Variants in DOCK1 observed in about 807,000 individuals in gnomAD.
DOCK1 encodes dedicator of cytokinesis 1.
In DOCK1, 138 loss-of-function variants were observed where a neutral mutation model predicts 262.7. That is an observed-to-expected ratio of 0.53 (90% CI 0.46 to 0.61). DOCK1 has a LOEUF of 0.61. Ranked by LOEUF, DOCK1 falls within the 20% of genes least tolerant of loss-of-function variation. DOCK1 has a pLI of 0.00. For missense variants in DOCK1, 1,908 were observed against 2,370.7 expected (o/e 0.80, Z 4.05); for synonymous variants, 866 against 867.4 (o/e 1.00, Z 0.03).
intron 21 of DOCK1, among the ~76,000 whole-genome samples, chr10:127,052,295 G>C (rs563622360): frequency 6.6e-6 from 1 of 152,194 alleles, no homozygotes; most frequent in South Asian, 2.1e-4. Context: ...GAGGCCAAGG[G>C]GGGTGGATTG....
intron 33 of DOCK1, among the ~76,000 whole-genome samples, chr10:127,365,621 T>G (rs1435423714): frequency 6.6e-6 from 1 of 152,202 alleles, no homozygotes; most frequent in African/African-American, 2.4e-5. Context: ...AAAACATCAT[T>G]CTATTTGTCA....
chr10:127,067,829 C>T (rs1447652892), intron 23 of DOCK1, among the ~76,000 whole-genome samples: 4 of 152,028 alleles, frequency 2.6e-5, no homozygotes, highest in Non-Finnish European at 2.9e-5. Flanking sequence ...GCATTTCTTC[C>T]ATTGTCGTGT....
chr10:127,110,170 T>G, intron 24 of DOCK1, 78 bp from the exon 25 acceptor site: 1 of 1,187,586 alleles, frequency 8.4e-7, no homozygotes, highest in Non-Finnish European at 1.2e-6. Flanking sequence ...TGTGATGACC[T>G]ATATCTCAGT....
intron 23 of DOCK1, among the ~76,000 whole-genome samples, chr10:127,084,063 G>A (rs1564790927): frequency 6.6e-6 from 1 of 152,150 alleles, no homozygotes; most frequent in Non-Finnish European, 1.5e-5. Flanking sequence ...GCAATTTGAT[G>A]ATTAAAGAAT....
At chr10:127,380,639 G>A (rs2065775581) in intron 36 of DOCK1, among the ~76,000 whole-genome samples, 2 of 152,180 alleles carry the variant, frequency 1.3e-5, no homozygotes, top group South Asian at 4.1e-4. Flanking sequence ...TCCCTGGAGT[G>A]AGGGACTGTG....
chr10:127,374,283 C>T, intron 35 of DOCK1, 69 bp downstream of exon 35: 1 of 1,502,914 alleles, frequency 6.7e-7, no homozygotes, highest in Non-Finnish European at 8.9e-7. Flanking sequence ...GGGATTGCCC[C>T]AGCCCTTATC....
chr10:127,145,004 T>G (rs192955471), intron 27 of DOCK1, among the ~76,000 whole-genome samples: 20 of 152,306 alleles, frequency 1.3e-4, no homozygotes, highest in Admixed American at 9.8e-4. Context: ...CTATGAAGGA[T>G]CCAAAGTTAG....
At chr10:127,274,308 A>G (rs1389980835) in intron 29 of DOCK1, among the ~76,000 whole-genome samples, 3 of 152,204 alleles carry the variant, frequency 2.0e-5, no homozygotes, top group Non-Finnish European at 2.9e-5. Flanking sequence ...GAGGGAACCC[A>G]TGGAACAGAA....
At chr10:127,350,115 A>C (rs1247983165) in intron 31 of DOCK1, among the ~76,000 whole-genome samples, 1 of 152,182 alleles carries the variant, frequency 6.6e-6, no homozygotes, top group Non-Finnish European at 1.5e-5. Context: ...AAAAAATATC[A>C]GCATTCATTG....
chr10:127,234,070 C>T (rs1248019872), intron 27 of DOCK1, among the ~76,000 whole-genome samples: 2 of 152,138 alleles, frequency 1.3e-5, no homozygotes, highest in Admixed American at 1.3e-4. Context: ...ATTAAACCAA[C>T]ATTCAAAATA....
chr10:127,197,420 C>T (rs2057250268), intron 27 of DOCK1, among the ~76,000 whole-genome samples: 1 of 152,170 alleles, frequency 6.6e-6, no homozygotes, highest in Admixed American at 6.5e-5. Flanking sequence ...GAGCTCAGAG[C>T]AGCAGACCCA....
intron 33 of DOCK1, among the ~76,000 whole-genome samples, chr10:127,362,877 A>T: frequency 1.8e-5 from 1 of 54,698 alleles, no homozygotes; most frequent in Non-Finnish European, 3.3e-5. Flanking sequence ...ACACACACAT[A>T]CACATCCCCA....
intron 46 of DOCK1, among the ~76,000 whole-genome samples, chr10:127,420,637 G>T (rs7097399): frequency 0.26 from 38,935 of 151,898 alleles, 5,239 homozygotes; most frequent in African/African-American, 0.33. Flanking sequence ...TCAAGGCCCA[G>T]AGATGCTGTG....
intron 27 of DOCK1, among the ~76,000 whole-genome samples, chr10:127,200,694 G>A (rs2057413999): frequency 6.6e-6 from 1 of 152,160 alleles, no homozygotes; most frequent in Admixed American, 6.5e-5. Flanking sequence ...GTGAGCCACT[G>A]CGCCCGATAT....
rs2065343142 is a variant in DOCK1, at chr10:127,373,898, T to A, written c.3518+32T>A. On this transcript the variant is annotated intron_variant, in intron 34 of 51. Coordinates refer to ENST00000623213, the MANE Select transcript of DOCK1 (RefSeq NM_001290223.2). ...GTTGATTAGCAGTGGGATTTATGTC[T>A]GAGAGATACAGAGACAGAGAGACCG... 3.8e-6 allele frequency: 6 copies of A among 1,582,668 alleles called. No homozygotes were observed. The East Asian group carries it at 9.1e-5, about 24-fold the overall frequency.
At chr10:126,971,155 ACT>A (rs1301121485) in intron 2 of DOCK1, among the ~76,000 whole-genome samples, 1 of 150,680 alleles carries the variant, frequency 6.6e-6, no homozygotes, top group African/African-American at 2.4e-5. Context: ...GGTACAAGTG[ACT>A]CTCATGCTTT....
intron 47 of DOCK1, among the ~76,000 whole-genome samples, chr10:127,432,316 C>T (rs2069348839): frequency 1.3e-5 from 2 of 151,786 alleles, no homozygotes; most frequent in South Asian, 4.2e-4. Context: ...GGGGAAGTGG[C>T]GTTATATTAA....
chr10:126,912,516 G>A (rs2031932511), intron 1 of DOCK1, among the ~76,000 whole-genome samples: 1 of 151,466 alleles, frequency 6.6e-6, no homozygotes, highest in South Asian at 2.1e-4. Context: ...CACGAGGTCA[G>A]TAGATCGAGA....
At chr10:127,360,340 A>G (rs142610806) in intron 32 of DOCK1, among the ~76,000 whole-genome samples, 6 of 150,962 alleles carry the variant, frequency 4.0e-5, no homozygotes, top group Non-Finnish European at 8.8e-5. Context: ...GGTGAGCACA[A>G]TGGCGGCCAA....
Sources: gnomAD v4.1 joint callset for allele counts (sites outside exome capture counted in the v4.1 genomes callset) on GRCh38, gnomAD v4.1.1 for gene constraint, MANE v1.5 for transcripts, NCBI Gene and HGNC (gene_info 2026-07-23, HGNC 2026-07-21) for gene names.